The following SOD2 variants were observed in gnomAD, a reference collection of about 807,000 sequenced individuals.
The protein encoded by SOD2 is superoxide dismutase 2.
A neutral mutation model predicts 27.0 loss-of-function variants in SOD2; 11 were observed. The observed-to-expected ratio is 0.41, with a 90% CI of 0.26 to 0.67. The LOEUF (loss-of-function observed/expected upper bound fraction) is 0.67. Among genes scored for constraint, SOD2 ranks in the 30% least tolerant of loss-of-function variants. The pLI, the probability that SOD2 is intolerant of heterozygous loss-of-function variation, is 0.34. For synonymous variants in SOD2, 105 were observed against 103.0 expected (o/e 1.02, Z -0.12); for missense variants, 250 against 274.5 (o/e 0.91, Z 0.63).
upstream of SOD2, among the ~76,000 whole-genome samples, chr6:159,731,412 G>A (rs987023568): frequency 7.2e-5 from 11 of 152,122 alleles, no homozygotes; most frequent in Non-Finnish European, 4.4e-5. Flanking sequence ...AGGCTGCAGT[G>A]AGCTGTGATC....
At chr6:159,723,103 C>T (rs944453349) in intron 1 of SOD2, among the ~76,000 whole-genome samples, 8 of 152,210 alleles carry the variant, frequency 5.3e-5, no homozygotes, top group African/African-American at 1.7e-4. Context: ...TCCCACTCCT[C>T]TGCATGCCTT....
Position 159,713,432 on chromosome 6 carries a change from C to T in SOD2, c.-116+13697G>A, listed in dbSNP as rs1777867403. Reference sequence around the variant, plus strand: ...GGATCATAGTAGGTATGAACTTCAGCTTGGCTATTCTAGAAGATTTCAATG... The same window carrying T: ...GGATCATAGTAGGTATGAACTTCAGTTTGGCTATTCTAGAAGATTTCAATG... On this transcript the variant is annotated intron_variant, in intron 1 of 2. Transcript: ENST00000401980. The T allele has an allele frequency of 9.1e-5, 59 of 648,990 alleles. No individual in the cohort carries two copies. In the South Asian group the frequency reaches 9.6e-4, roughly 11 times the overall value. The allele number at this position is 648,990 out of a possible 1,614,324, so 40.2% of individuals were successfully genotyped here.
chr6:159,711,712 T>A (rs1347489030), intron 1 of SOD2, among the ~76,000 whole-genome samples: 7 of 109,076 alleles, frequency 6.4e-5, no homozygotes, highest in Non-Finnish European at 9.7e-5. Context: ...CACACTGCTC[T>A]GATCACCATA....
At chr6:159,707,268 C>G (rs1443426605) in intron 1 of SOD2, among the ~76,000 whole-genome samples, 1 of 152,080 alleles carries the variant, frequency 6.6e-6, no homozygotes, top group East Asian at 1.9e-4. Flanking sequence ...TAACTAAGAT[C>G]AGAGCAGAAC....
rs1393475585 is a variant in SOD2, at chr6:159,674,186, A to G, written c.*8307T>C. On this transcript the variant is annotated 3_prime_UTR_variant, in exon 5 of 5. Coordinates refer to ENST00000538183, the MANE Select transcript of SOD2 (RefSeq NM_000636.4). ...AGAGGTACAAGGAAGAGCTGGTACCATTCCTTCTGAAACTATTCCAATCAA... is the reference window on the plus strand; with the variant it reads ...AGAGGTACAAGGAAGAGCTGGTACCGTTCCTTCTGAAACTATTCCAATCAA... 6.6e-6 allele frequency: 1 copy of G among 152,268 alleles called. No homozygotes were observed. Among genetic ancestry groups the G allele is most frequent in the Non-Finnish European group, 1.5e-5 (1 of 68,064 alleles). The allele number at this position is 152,268 out of a possible 1,614,324, so 9.4% of individuals were successfully genotyped here. A position where few individuals can be genotyped will look rare whatever the true frequency, so the allele number is the denominator to read the frequency against.
At chr6:159,712,277 ATTGCTCTG>A (rs1777814672) in intron 1 of SOD2, among the ~76,000 whole-genome samples, 2 of 136,950 alleles carry the variant, frequency 1.5e-5, no homozygotes, top group Admixed American at 7.3e-5. Flanking sequence ...CACCACTCAC[ATTGCTCTG>A]ATCACCATAA....
chr6:159,688,904 A>G (rs958635460), intron 2 of SOD2, among the ~76,000 whole-genome samples: 1 of 152,198 alleles, frequency 6.6e-6, no homozygotes, highest in Non-Finnish European at 1.5e-5. Flanking sequence ...AAAGAAAAAA[A>G]TAAAACACAA....
At chr6:159,688,341 A>T in intron 2 of SOD2, 99 bp from the exon 3 acceptor site, 2 of 735,898 alleles carry the variant, frequency 2.7e-6, no homozygotes, top group Non-Finnish European at 4.7e-6. Flanking sequence ...AGATAATGGG[A>T]CCAGCTTATC....
chr6:159,727,472 G>A, upstream of SOD2: 2 of 993,002 alleles, frequency 2.0e-6, no homozygotes, highest in Non-Finnish European at 2.4e-6. Context: ...GGAGCCGTGC[G>A]GCGGGGCGGG....
chr6:159,761,702 TAAAA>T (rs951787420), exon 1 of SOD2: 2 of 375,770 alleles, frequency 5.3e-6, no homozygotes, highest in African/African-American at 2.2e-5. Context: ...TAAGATTTTT[TAAAA>T]AAAAGCCCAA....
At chr6:159,731,671 A>G (rs1778578670), upstream of SOD2, among the ~76,000 whole-genome samples, 1 of 152,110 alleles carries the variant, frequency 6.6e-6, no homozygotes, top group African/African-American at 2.4e-5. Context: ...CTATTAATTA[A>G]ATGCCCATTT....
chr6:159,745,825 CA>C (rs1387259800), upstream of SOD2, among the ~76,000 whole-genome samples: 2 of 152,116 alleles, frequency 1.3e-5, no homozygotes, highest in Admixed American at 1.3e-4. Flanking sequence ...AGATGAAATA[CA>C]TGAAGCCACT....
Position 159,674,821 on chromosome 6 carries a change from A to G in SOD2, c.*7672T>C, listed in dbSNP as rs1447350480. The stretch of plus-strand genomic sequence containing the variant: ...GAAGTCAAATTGTCCCTGTTTGCAG[A>G]TGACATGATTTTATATTTAGAAAAC... On this transcript the variant is annotated 3_prime_UTR_variant, in exon 5 of 5. Transcript: ENST00000538183. 1 of 152,264 alleles carries G rather than the reference A, an allele frequency of 6.6e-6. No homozygotes were observed. The highest frequency in any genetic ancestry group is 1.9e-4 in the East Asian group (1 of 5,198). 9.4% of individuals were successfully genotyped at this position (152,264 alleles called of 1,614,324 possible). A position where few individuals can be genotyped will look rare whatever the true frequency, so the allele number is the denominator to read the frequency against.
At chr6:159,756,818 G>T (rs1000045877) in intron 1 of SOD2, among the ~76,000 whole-genome samples, 13 of 151,988 alleles carry the variant, frequency 8.6e-5, no homozygotes, top group Non-Finnish European at 1.5e-5. Context: ...TGCACAGGCT[G>T]GCCTCAAACT....
rs1055782152 is a variant in SOD2, at chr6:159,676,737, A to C, written c.*5756T>G. ...TGTACACATGTACCCTAGAACTTAA[A>C]GTATAATTTAAAAATAAATAAGTAA... On this transcript the variant is annotated 3_prime_UTR_variant, in exon 5 of 5. Coordinates refer to ENST00000538183, the MANE Select transcript of SOD2 (RefSeq NM_000636.4). The C allele has an allele frequency of 6.6e-6, 1 of 152,212 alleles. No individual in the cohort carries two copies. The highest frequency in any genetic ancestry group is 2.4e-5 in the African/African-American group (1 of 41,442). 9.4% of individuals were successfully genotyped at this position (152,212 alleles called of 1,614,324 possible).
chr6:159,758,894 G>A (rs1780067813), intron 1 of SOD2, among the ~76,000 whole-genome samples: 1 of 152,126 alleles, frequency 6.6e-6, no homozygotes, highest in Non-Finnish European at 1.5e-5. Context: ...TCCAGCGGGG[G>A]AAGATGCTGA....
rs561336803 is a variant in SOD2 at position 159,755,790 on chromosome 6, T to G, written c.-336+5247A>C. The G allele has an allele frequency of 5.1e-3, 4,343 of 848,456 alleles. 16 individuals are homozygous for G. Among genetic ancestry groups the G allele is most frequent in the Non-Finnish European group, 6.2e-3 (4,000 of 642,104 alleles). The allele number at this position is 848,456 out of a possible 1,614,324, so 52.6% of individuals were successfully genotyped here. On this transcript the variant is annotated intron_variant, in intron 1 of 7. Transcript: ENST00000546087. Reference sequence around the variant, plus strand: ...CTTTTTTTTTTTTTTTTTTTTTTTTTGCTTCAATACTTCTGCCGCTTTGGA... The same window carrying G: ...CTTTTTTTTTTTTTTTTTTTTTTTTGGCTTCAATACTTCTGCCGCTTTGGA...
Position 159,693,133 on chromosome 6 carries a change from C to A in SOD2, c.23+12G>T, listed in dbSNP as rs1471341085. 8 of 1,531,166 alleles carry A rather than the reference C, an allele frequency of 5.2e-6. No homozygotes were observed. The highest frequency in any genetic ancestry group is 7.0e-6 in the Non-Finnish European group (8 of 1,139,380). The allele number at this position is 1,531,166 out of a possible 1,614,324, so 94.8% of individuals were successfully genotyped here. A position where few individuals can be genotyped will look rare whatever the true frequency, so the allele number is the denominator to read the frequency against. ...GCCCTTGGGGCCGTGACCGGGTCCCCTTTCTTCTCACCCGCACACTGCCCG... is the reference window on the plus strand; with the variant it reads ...GCCCTTGGGGCCGTGACCGGGTCCCATTTCTTCTCACCCGCACACTGCCCG... On this transcript the variant is annotated intron_variant, in intron 1 of 4. Coordinates refer to ENST00000538183, the MANE Select transcript of SOD2 (RefSeq NM_000636.4).
intron 1 of SOD2, among the ~76,000 whole-genome samples, chr6:159,706,561 G>C (rs1325314480): frequency 6.6e-6 from 1 of 152,136 alleles, no homozygotes; most frequent in East Asian, 1.9e-4. Flanking sequence ...TCAACAAGAA[G>C]AGCTAACTAT....
Sources: gnomAD v4.1 joint callset for allele counts (sites outside exome capture counted in the v4.1 genomes callset) on GRCh38, gnomAD v4.1.1 for gene constraint, MANE v1.5 for transcripts, NCBI Gene and HGNC (gene_info 2026-07-23, HGNC 2026-07-21) for gene names.